The following FREM1 variants were observed in gnomAD, a reference collection of about 807,000 sequenced individuals.
FREM1 encodes FRAS1 related extracellular matrix 1.
In FREM1, 220 loss-of-function variants were observed where a neutral mutation model predicts 210.1. The ratio of observed to expected loss-of-function variants is 1.05; its 90% CI spans 0.94 to 1.17. The LOEUF is 1.17. Among genes scored for constraint, FREM1 ranks in the 50% most tolerant of loss-of-function variants. The probability of loss-of-function intolerance (pLI) is 0.00; values close to 1 mark genes in which losing one functional copy is unlikely to be tolerated. For synonymous variants in FREM1, 1,189 were observed against 980.2 expected, an observed-to-expected ratio of 1.21 and a Z score of -3.98; for missense variants, 3,454 against 2,675.5, an observed-to-expected ratio of 1.29 and a Z score of -6.42.
In FREM1 at chr9:14,792,825, G is replaced by T; in HGVS notation, c.3899C>A (p.Ser1300Ter). 6.2e-7 allele frequency: 1 copy of T among 1,602,918 alleles called. No homozygotes were observed. The highest frequency in any genetic ancestry group is 8.5e-7 in the Non-Finnish European group (1 of 1,173,446). Reference sequence around the variant, plus strand: ...CCTGGGTGAGTCTTCATCTATGGCTGAAAGAATAGCACTGGAAATAATACG... The same window carrying T: ...CCTGGGTGAGTCTTCATCTATGGCTTAAAGAATAGCACTGGAAATAATACG... ...ETRIISSAILSAIDEDSPREK... is the reference protein window; with the variant it reads ...ETRIISSAIL The change falls in exon 22 of 37, where the codon TCA (serine) becomes TAA (stop). Residue 1300 changes from serine to a stop codon, truncating the protein, a stop_gained. Transcript: ENST00000380880. LOFTEE classifies it high-confidence loss of function.
Position 14,775,888 on chromosome 9 carries a change from G to T in FREM1, c.4758C>A (p.Ser1586=). 6.2e-7 allele frequency: 1 copy of T among 1,613,906 alleles called. No individual in the cohort carries two copies. Among genetic ancestry groups the T allele is most frequent in the Non-Finnish European group, 8.5e-7 (1 of 1,179,832 alleles). The part of the protein sequence containing the change: ...NVAYRHSGGD[S]QTDCFTFMAT... ...CCATGAAAGTAAAGCAGTCAGTCTG[G>T]GAGTCCCCTCCTGAGTGCCGATAGG... The change falls in exon 25 of 37, where the codon TCC becomes TCA. Residue 1586 remains serine, a synonymous_variant. Coordinates refer to ENST00000380880, the MANE Select transcript of FREM1 (RefSeq NM_001379081.2).
chr9:14,849,021 G>T (rs1434420291), intron 6 of FREM1, among the ~76,000 whole-genome samples: 1 of 152,172 alleles, frequency 6.6e-6, no homozygotes, highest in Admixed American at 6.5e-5. Context: ...TTGGTAATAT[G>T]CTGGAGAAGT....
chr9:14,794,665 C>T (rs903626453), intron 21 of FREM1, among the ~76,000 whole-genome samples: 65 of 152,180 alleles, frequency 4.3e-4, no homozygotes, highest in African/African-American at 1.5e-3. Context: ...TTAGATTTGG[C>T]GGGAAAGCCA....
intron 27 of FREM1, among the ~76,000 whole-genome samples, chr9:14,762,095 T>A: frequency 6.6e-6 from 1 of 152,024 alleles, no homozygotes; most frequent in Non-Finnish European, 1.5e-5. Context: ...GATTAGTGTG[T>A]GCCTAAAGAA....
At position 14,824,954 on chromosome 9, in the gene FREM1, A is replaced by G. The variant is rs1460637568; in HGVS notation, c.1920T>C (p.Leu640=). 2 of 1,605,430 alleles carry G rather than the reference A, an allele frequency of 1.2e-6. No individual in the cohort carries two copies. The highest frequency in any genetic ancestry group is 2.2e-5 in the East Asian group (1 of 44,742). ...TIHITPVDDQ[L]PKEAPGVSRH... ...GAGAAACTCCAGGAGCCTCTTTTGG[A>G]AGCTGGTCATCCACTGGAGTTATAT... The change falls in exon 11 of 37, where the codon CTT becomes CTC. Residue 640 remains leucine, a synonymous_variant. Transcript: ENST00000380880.
intron 28 of FREM1, among the ~76,000 whole-genome samples, chr9:14,758,950 T>C (rs1187086117): frequency 6.6e-6 from 1 of 152,166 alleles, no homozygotes; most frequent in African/African-American, 2.4e-5. Flanking sequence ...TGGACAACTC[T>C]TAAGATAGAT....
At chr9:14,882,912 C>CAAA (rs71323913) in intron 1 of FREM1, among the ~76,000 whole-genome samples, 1,010 of 45,424 alleles carry the variant, frequency 0.022, 98 homozygotes, top group African/African-American at 0.09. Flanking sequence ...GACTCCATCT[C>CAAA]AAAAAAAAAA....
Position 14,823,327 on chromosome 9 carries a change from G to T in FREM1, c.2170C>A (p.His724Asn). ...GCCACTTTCATATAGTTCACAGCAT[G>T]CTGCAAAGTAAGTTGAGATGGATAT... ...TALELRSFTQ[H>N]AVNYMKVAYM... Residue 724 changes from histidine (H) to asparagine (N), a missense_variant and splice_region_variant, in exon 13 of 37, where the codon CAT (histidine) becomes AAT (asparagine). His to Asn is a moderately conservative substitution (Grantham distance 68, BLOSUM62 1). Coordinates refer to ENST00000380880, the MANE Select transcript of FREM1 (RefSeq NM_001379081.2). 2.5e-6 allele frequency: 4 copies of T among 1,612,050 alleles called. No individual in the cohort carries two copies. Among genetic ancestry groups the T allele is most frequent in the Non-Finnish European group, 3.4e-6 (4 of 1,178,672 alleles).
chr9:14,783,674 C>G (rs1849972402), intron 24 of FREM1, among the ~76,000 whole-genome samples: 1 of 152,206 alleles, frequency 6.6e-6, no homozygotes, highest in African/African-American at 2.4e-5. Context: ...TGACTTGAAA[C>G]AAATTTCCAT....
At position 14,870,873 on chromosome 9, in the gene FREM1, C is replaced by G. The variant is rs556164299; in HGVS notation, c.-267-1629G>C. On this transcript the variant is annotated intron_variant, in intron 1 of 36. Coordinates refer to ENST00000380880, the MANE Select transcript of FREM1 (RefSeq NM_001379081.2). ...CCTGTGTCCATGTGTTCTCATTGTT[C>G]AATTCCCACCTATGAGTGAGAATAT... Among the ~76,000 whole-genome samples, 1,026 of 141,022 alleles carry G rather than the reference C, an allele frequency of 7.3e-3. 7 individuals carry two copies. Among genetic ancestry groups the G allele is most frequent in the African/African-American group, 0.026 (989 of 38,038 alleles). The allele number at this position is 141,022 out of a possible 152,430, so 92.5% of individuals were successfully genotyped here.
chr9:14,813,958 T>C (rs1819850221), intron 15 of FREM1, among the ~76,000 whole-genome samples: 1 of 152,208 alleles, frequency 6.6e-6, no homozygotes, highest in East Asian at 1.9e-4. Context: ...TTGATTCTGC[T>C]AGTATTTCTC....
At chr9:14,860,783 A>G (rs1175668328) in intron 3 of FREM1, among the ~76,000 whole-genome samples, 5 of 97,172 alleles carry the variant, frequency 5.1e-5, no homozygotes, top group Admixed American at 1.2e-4. Context: ...ACATATATAC[A>G]TATATACATA....
chr9:14,777,473 T>G (rs879250904), intron 24 of FREM1, among the ~76,000 whole-genome samples: 3 of 152,192 alleles, frequency 2.0e-5, no homozygotes, highest in African/African-American at 7.2e-5. Flanking sequence ...AATTGTGCCT[T>G]GTTAGCTTTT....
intron 1 of FREM1, among the ~76,000 whole-genome samples, chr9:14,896,045 AGAG>A (rs1837655854): frequency 6.6e-6 from 1 of 152,178 alleles, no homozygotes; most frequent in African/African-American, 2.4e-5. Flanking sequence ...ATAGGATGAG[AGAG>A]GAGGTCAGCA....
chr9:14,741,323 G>T (rs931563149), intron 35 of FREM1, among the ~76,000 whole-genome samples: 4 of 152,068 alleles, frequency 2.6e-5, no homozygotes, highest in Non-Finnish European at 4.4e-5. Context: ...ACTAGATATG[G>T]TGAACATAAT....
chr9:14,801,690 G>T lies in FREM1; in HGVS notation c.3656C>A (p.Ala1219Glu). ...TTCCATGGAAAAGCTGTGAACAGGT[G>T]CATGTTTCTGGTGAGGGTTGGCTGG... is the stretch of plus-strand genomic sequence containing the variant. ...KQPANPHQKH[A>E]PVHSFSMELL... Residue 1219 changes from alanine (A) to glutamate (E), a missense_variant, in exon 20 of 37, where the codon GCA becomes GAA. By Grantham distance (107) the Ala-to-Glu change is moderately radical. Transcript: ENST00000380880. 6.2e-7 allele frequency: 1 copy of T among 1,613,830 alleles called. No homozygotes were observed. Among genetic ancestry groups the T allele is most frequent in the South Asian group, 1.1e-5 (1 of 91,072 alleles).
chr9:14,884,737 A>G (rs1835456351), intron 1 of FREM1, among the ~76,000 whole-genome samples: 1 of 152,122 alleles, frequency 6.6e-6, no homozygotes, highest in Non-Finnish European at 1.5e-5. Context: ...TCTCAGCTGT[A>G]CAGCTCTCAA....
intron 27 of FREM1, among the ~76,000 whole-genome samples, chr9:14,765,688 C>G (rs1846266352): frequency 6.6e-6 from 1 of 152,124 alleles, no homozygotes. Context: ...ATGGAAATTC[C>G]TTTTAGTCTT....
At chr9:14,806,444 G>C (rs971052685) in intron 18 of FREM1, among the ~76,000 whole-genome samples, 1 of 151,774 alleles carries the variant, frequency 6.6e-6, no homozygotes, top group African/African-American at 2.4e-5. Flanking sequence ...TAGTAGAGAG[G>C]GGTTTCACCA....
Sources: allele counts gnomAD v4.1 joint callset (sites outside exome capture counted in the v4.1 genomes callset), GRCh38; gene constraint gnomAD v4.1.1; transcripts MANE v1.5; gene names NCBI Gene and HGNC (gene_info 2026-07-23, HGNC 2026-07-21).